The following NOL4 variants were observed in gnomAD, a reference collection of about 807,000 sequenced individuals.
NOL4 encodes the protein cancer/testis antigen 125.
In NOL4, 17 loss-of-function variants were observed where a neutral mutation model predicts 75.9. The observed-to-expected ratio is 0.22, with a 90% confidence interval of 0.15 to 0.34. The LOEUF is 0.34. Ranked by LOEUF, NOL4 falls within the 10% of genes least tolerant of loss-of-function variation. NOL4 has a pLI of 1.00. For synonymous variants in NOL4, 292 were observed against 289.9 expected, an observed-to-expected ratio of 1.01 and a Z score of -0.07; for missense variants, 614 against 793.5, an observed-to-expected ratio of 0.77 and a Z score of 2.72.
At chr18:33,886,088 T>C (rs891868993) in intron 9 of NOL4, among the ~76,000 whole-genome samples, 21 of 152,224 alleles carry the variant, frequency 1.4e-4, no homozygotes, top group Admixed American at 4.6e-4. Context: ...ACATTGCATA[T>C]TCTCACTTAT....
intron 6 of NOL4, among the ~76,000 whole-genome samples, chr18:33,999,321 C>A (rs563324382): frequency 1.1e-4 from 16 of 151,510 alleles, no homozygotes; most frequent in Non-Finnish European, 2.4e-4. Context: ...CTAGATAATG[C>A]TAATTTTTTT....
chr18:34,041,512 GA>G (rs11454269), intron 5 of NOL4, among the ~76,000 whole-genome samples: 38 of 146,760 alleles, frequency 2.6e-4, no homozygotes, highest in Admixed American at 1.7e-3. Flanking sequence ...TAGCTAAAAT[GA>G]AAAAAAAAAG....
At chr18:33,913,164 T>C (rs2066507469) in intron 9 of NOL4, among the ~76,000 whole-genome samples, 1 of 151,660 alleles carries the variant, frequency 6.6e-6, no homozygotes, top group East Asian at 1.9e-4. Context: ...AAATTATCTT[T>C]CCATCAACAT....
chr18:34,077,354 G>T (rs2077792036), intron 5 of NOL4, among the ~76,000 whole-genome samples: 1 of 151,876 alleles, frequency 6.6e-6, no homozygotes, highest in South Asian at 2.1e-4. Flanking sequence ...AACTCATATT[G>T]TCTACTGAAT....
chr18:34,096,337 T>C (rs1476669145), intron 4 of NOL4, among the ~76,000 whole-genome samples: 1 of 152,098 alleles, frequency 6.6e-6, no homozygotes, highest in African/African-American at 2.4e-5. Context: ...ATTCAATTGT[T>C]ATACTTTTGT....
rs1041441055 is a variant in NOL4, at chr18:33,882,078, G to A, written c.1723+1166C>T. 2.0e-3 allele frequency among the ~76,000 whole-genome samples: 305 copies of A among 152,202 alleles called. 2 individuals are homozygous for A. The highest frequency in any genetic ancestry group is 6.9e-4 in the Non-Finnish European group (47 of 68,016). ...TTCAAGATGGATTAAAGACTTAAACGTTAGACCTAAAACCATAAAAACCCT... is the reference window on the plus strand; with the variant it reads ...TTCAAGATGGATTAAAGACTTAAACATTAGACCTAAAACCATAAAAACCCT... On this transcript the variant is annotated intron_variant, in intron 10 of 10. Transcript: ENST00000261592.
At chr18:34,086,020 A>G (rs1260300349) in intron 5 of NOL4, among the ~76,000 whole-genome samples, 1 of 152,096 alleles carries the variant, frequency 6.6e-6, no homozygotes, top group Non-Finnish European at 1.5e-5. Context: ...GTAAATTATT[A>G]TACAATTATT....
Position 34,207,268 on chromosome 18 carries a change from G to A in NOL4, c.264+15722C>T, listed in dbSNP as rs73420211. On this transcript the variant is annotated intron_variant, in intron 1 of 10. Coordinates refer to ENST00000261592, the MANE Select transcript of NOL4 (RefSeq NM_003787.5). Reference sequence around the variant, plus strand: ...TTTTATATGCCAAATAATTTCAGATGTAACCTGAACATTTTGAATACTATG... The same window carrying A: ...TTTTATATGCCAAATAATTTCAGATATAACCTGAACATTTTGAATACTATG... Among the ~76,000 whole-genome samples, 1,187 of 151,894 alleles carry A rather than the reference G, an allele frequency of 7.8e-3. 19 individuals are homozygous for A. Among genetic ancestry groups the A allele is most frequent in the African/African-American group, 0.024 (977 of 41,404 alleles).
intron 9 of NOL4, among the ~76,000 whole-genome samples, chr18:33,914,927 G>A (rs1389986075): frequency 1.3e-5 from 2 of 152,040 alleles, no homozygotes; most frequent in East Asian, 3.9e-4. Flanking sequence ...CAATTTGTGA[G>A]TCATCACATT....
At position 34,049,072 on chromosome 18, in the gene NOL4, GCGCACACACACACACACACACA is replaced by G. The variant is rs1353570257; in HGVS notation, c.773-29493_773-29472del. ...CAACTTGAAGGTTAGATACAGGCGC[GCGCACACACACACACACACACA>G]CACACACACACACACACACACACAC... On this transcript the variant is annotated intron_variant, in intron 5 of 10. Coordinates refer to ENST00000261592, the MANE Select transcript of NOL4 (RefSeq NM_003787.5). 9.5e-5 allele frequency among the ~76,000 whole-genome samples: 12 copies of G among 126,348 alleles called. No homozygotes were observed. The East Asian group carries it at 2.3e-3, about 24-fold the overall frequency. 82.9% of individuals were successfully genotyped at this position (126,348 alleles called of 152,430 possible). A position where few individuals can be genotyped will look rare whatever the true frequency, so the allele number is the denominator to read the frequency against.
chr18:33,941,700 G>A (rs1379639948), intron 9 of NOL4, among the ~76,000 whole-genome samples: 1 of 151,832 alleles, frequency 6.6e-6, no homozygotes, highest in Non-Finnish European at 1.5e-5. Context: ...TTCATATGGA[G>A]TAATCAAAGC....
At chr18:34,038,417 A>G (rs2144762505) in intron 5 of NOL4, among the ~76,000 whole-genome samples, 1 of 152,166 alleles carries the variant, frequency 6.6e-6, no homozygotes, top group South Asian at 2.1e-4. Context: ...TCAGTATATC[A>G]AGAGGATACC....
At chr18:34,211,045 A>T (rs986405501) in intron 1 of NOL4, among the ~76,000 whole-genome samples, 3 of 151,886 alleles carry the variant, frequency 2.0e-5, no homozygotes, top group African/African-American at 7.3e-5. Flanking sequence ...GCAGCACTGC[A>T]CTCCAGCCTG....
At chr18:34,027,885 A>G (rs1393070858) in intron 5 of NOL4, among the ~76,000 whole-genome samples, 1 of 152,200 alleles carries the variant, frequency 6.6e-6, no homozygotes, top group African/African-American at 2.4e-5. Context: ...AAAAAACACA[A>G]CTAAGAATAG....
chr18:34,064,540 T>C (rs1247439938), intron 5 of NOL4, among the ~76,000 whole-genome samples: 1 of 151,986 alleles, frequency 6.6e-6, no homozygotes, highest in Non-Finnish European at 1.5e-5. Context: ...TTAAGGATCA[T>C]ATACTATGGT....
At chr18:33,975,151 A>T (rs2071389438) in intron 6 of NOL4, among the ~76,000 whole-genome samples, 1 of 152,210 alleles carries the variant, frequency 6.6e-6, no homozygotes, top group Non-Finnish European at 1.5e-5. Flanking sequence ...AATGATAGTT[A>T]CCAGTGGCTG....
At chr18:33,997,043 T>C (rs1374054266) in intron 6 of NOL4, among the ~76,000 whole-genome samples, 1 of 151,954 alleles carries the variant, frequency 6.6e-6, no homozygotes, top group East Asian at 1.9e-4. Context: ...TTTTTCCAAT[T>C]CTGTATGTTT....
At chr18:33,956,021 A>C (rs528150298) in intron 8 of NOL4, among the ~76,000 whole-genome samples, 1 of 152,228 alleles carries the variant, frequency 6.6e-6, no homozygotes, top group Non-Finnish European at 1.5e-5. Flanking sequence ...CCTTGGTGAA[A>C]GAGTCTCATA....
chr18:34,019,775 C>T (rs1325508753), intron 5 of NOL4, among the ~76,000 whole-genome samples, 174 bp from the exon 6 acceptor site: 2 of 150,380 alleles, frequency 1.3e-5, no homozygotes, highest in Non-Finnish European at 3.0e-5. Flanking sequence ...CTAGTAGGCA[C>T]ATGATAAGGT....
Sources: gnomAD v4.1 joint callset for allele counts (sites outside exome capture counted in the v4.1 genomes callset) on GRCh38, gnomAD v4.1.1 for gene constraint, MANE v1.5 for transcripts, NCBI Gene and HGNC (gene_info 2026-07-23, HGNC 2026-07-21) for gene names.